Variants in ADGRB3 observed in about 807,000 individuals in gnomAD.
ADGRB3 encodes the protein brain-specific angiogenesis inhibitor 3.
ADGRB3 carries 37 observed loss-of-function variants against 193.4 expected under a neutral mutation model. The ratio of observed to expected loss-of-function variants is 0.19; its 90% CI spans 0.15 to 0.25. The LOEUF (loss-of-function observed/expected upper bound fraction) is 0.25. ADGRB3 is among the 10% of genes least tolerant of loss of function. The pLI is 1.00. For missense variants in ADGRB3, 1,637 were observed against 1,852.9 expected (o/e 0.88, Z 2.14); for synonymous variants, 690 against 644.2 (o/e 1.07, Z -1.08).
chr6:69,244,661 TG>T (rs1287731788), intron 20 of ADGRB3, among the ~76,000 whole-genome samples: 4 of 152,060 alleles, frequency 2.6e-5, no homozygotes, highest in Non-Finnish European at 5.9e-5. Flanking sequence ...CAGTCTCAGA[TG>T]GGGATGGTTA....
At chr6:69,178,665 C>G (rs917414683) in intron 17 of ADGRB3, among the ~76,000 whole-genome samples, 6 of 152,170 alleles carry the variant, frequency 3.9e-5, no homozygotes, top group Non-Finnish European at 1.5e-5. Flanking sequence ...ATTCCCTTAG[C>G]ACTTGTTTGC....
At chr6:69,160,154 T>C (rs1053161227) in intron 17 of ADGRB3, among the ~76,000 whole-genome samples, 4 of 152,138 alleles carry the variant, frequency 2.6e-5, no homozygotes, top group African/African-American at 9.7e-5. Flanking sequence ...AGATTATTCA[T>C]AACATATCAA....
chr6:68,920,149 A>G (rs1766994326), intron 3 of ADGRB3, among the ~76,000 whole-genome samples: 2 of 152,200 alleles, frequency 1.3e-5, no homozygotes, highest in South Asian at 4.1e-4. Flanking sequence ...AACACAGAGT[A>G]CCAAGTAAAC....
intron 3 of ADGRB3, among the ~76,000 whole-genome samples, chr6:68,815,206 T>G (rs926986219): frequency 2.0e-5 from 3 of 152,172 alleles, no homozygotes; most frequent in African/African-American, 7.2e-5. Context: ...CCTACTCAGC[T>G]GCTTTCTTTG....
chr6:68,797,689 C>G (rs921914148), intron 3 of ADGRB3, among the ~76,000 whole-genome samples: 8 of 152,126 alleles, frequency 5.3e-5, no homozygotes, highest in Admixed American at 2.0e-4. Flanking sequence ...AACCACCTCA[C>G]CAAATGCTTC....
chr6:69,012,853 C>A (rs189614754), intron 11 of ADGRB3, among the ~76,000 whole-genome samples: 2 of 152,120 alleles, frequency 1.3e-5, no homozygotes, highest in African/African-American at 4.8e-5. Flanking sequence ...TTTTGAGAAG[C>A]TGGATAGGGA....
intron 3 of ADGRB3, among the ~76,000 whole-genome samples, chr6:68,737,643 G>A (rs549958259): frequency 6.6e-6 from 1 of 152,158 alleles, no homozygotes; most frequent in East Asian, 1.9e-4. Flanking sequence ...AGAACTGTGG[G>A]CCCTGGAATA....
intron 3 of ADGRB3, among the ~76,000 whole-genome samples, chr6:68,785,929 G>A (rs1766958624): frequency 6.6e-6 from 1 of 152,026 alleles, no homozygotes; most frequent in African/African-American, 2.4e-5. Context: ...ATTTTTTCAT[G>A]TGTTTTTTGG....
intron 3 of ADGRB3, among the ~76,000 whole-genome samples, chr6:68,927,681 A>C (rs148070360): frequency 6.6e-6 from 1 of 152,238 alleles, no homozygotes; most frequent in Non-Finnish European, 1.5e-5. Flanking sequence ...TATTTCAATT[A>C]CAAATTTGAA....
At chr6:68,807,810 C>G (rs1050957030) in intron 3 of ADGRB3, among the ~76,000 whole-genome samples, 8 of 151,854 alleles carry the variant, frequency 5.3e-5, no homozygotes, top group Non-Finnish European at 1.2e-4. Flanking sequence ...ATAAGTAGAA[C>G]CACAGAGAAT....
intron 17 of ADGRB3, among the ~76,000 whole-genome samples, chr6:69,082,420 C>T (rs557616060): frequency 7.2e-5 from 11 of 152,038 alleles, no homozygotes; most frequent in Non-Finnish European, 1.2e-4. Flanking sequence ...TCTGTAATAC[C>T]GAATAATATT....
At chr6:68,883,077 G>A (rs1177146610) in intron 3 of ADGRB3, among the ~76,000 whole-genome samples, 1 of 152,050 alleles carries the variant, frequency 6.6e-6, no homozygotes, top group East Asian at 1.9e-4. Context: ...TGTATTTTTA[G>A]TAGAGACAGG....
intron 10 of ADGRB3, among the ~76,000 whole-genome samples, chr6:68,976,238 A>C (rs769680570): frequency 6.6e-6 from 1 of 152,216 alleles, no homozygotes; most frequent in Non-Finnish European, 1.5e-5. Context: ...TAGCTTATAC[A>C]ATAACAACCC....
In ADGRB3 at chr6:68,768,395, A is replaced by C. The variant is rs113150069; in HGVS notation, c.757+128963A>C. ...CCTCAGAAAAACACCACACACCTAC[A>C]ACCATCTGATCTTTGACAAACCTGA... On this transcript the variant is annotated intron_variant, in intron 3 of 31. Transcript: ENST00000370598. Among the ~76,000 whole-genome samples, 206 of 152,260 alleles carry C rather than the reference A, an allele frequency of 1.4e-3. 2 individuals carry two copies. The highest frequency in any genetic ancestry group is 4.5e-3 in the African/African-American group (189 of 41,556).
At chr6:68,952,734 A>G (rs1408146295) in intron 6 of ADGRB3, among the ~76,000 whole-genome samples, 1 of 152,148 alleles carries the variant, frequency 6.6e-6, no homozygotes, top group Non-Finnish European at 1.5e-5. Flanking sequence ...TAAAATCGCA[A>G]AAAATGCCCA....
intron 11 of ADGRB3, among the ~76,000 whole-genome samples, chr6:68,996,544 C>G (rs1036341066): frequency 1.3e-5 from 2 of 152,180 alleles, no homozygotes; most frequent in African/African-American, 2.4e-5. Flanking sequence ...GTGGATTACT[C>G]TTTCTCCTCA....
At chr6:68,961,657 CA>C (rs1768237783) in intron 8 of ADGRB3, among the ~76,000 whole-genome samples, 6 of 152,096 alleles carry the variant, frequency 3.9e-5, no homozygotes, top group Non-Finnish European at 8.8e-5. Context: ...TGAATGTAAT[CA>C]TTATTAGAAA....
intron 3 of ADGRB3, among the ~76,000 whole-genome samples, chr6:68,796,276 T>A (rs1370736217): frequency 1.3e-5 from 2 of 152,148 alleles, no homozygotes; most frequent in Non-Finnish European, 2.9e-5. Flanking sequence ...CATATTTTTT[T>A]ATATACTGTA....
chr6:69,078,457 T>C (rs1189747206), intron 17 of ADGRB3, among the ~76,000 whole-genome samples: 1 of 152,060 alleles, frequency 6.6e-6, no homozygotes, highest in South Asian at 2.1e-4. Flanking sequence ...TATTTTTAAA[T>C]AAATGTTTTC....
Sources: gnomAD v4.1 joint callset for allele counts (sites outside exome capture counted in the v4.1 genomes callset) on GRCh38, gnomAD v4.1.1 for gene constraint, MANE v1.5 for transcripts, NCBI Gene and HGNC (gene_info 2026-07-23, HGNC 2026-07-21) for gene names.